PADI2: variants seen among roughly 807,000 people sequenced by gnomAD.
PADI2 encodes the protein protein-arginine deiminase type-2.
In PADI2, 70 loss-of-function variants were observed where a neutral mutation model predicts 81.1. That is an observed-to-expected ratio of 0.86 (90% CI 0.71 to 1.05). PADI2 has a LOEUF of 1.05. Ranked by LOEUF, PADI2 falls within the 50% of genes least tolerant of loss-of-function variation. The pLI is 0.00. For missense variants in PADI2, 853 were observed against 889.9 expected, an observed-to-expected ratio of 0.96 and a Z score of 0.53; for synonymous variants, 338 against 358.0, an observed-to-expected ratio of 0.94 and a Z score of 0.63.
chr1:17,108,559 C>T (rs1206246099), intron 1 of PADI2, among the ~76,000 whole-genome samples: 1 of 152,078 alleles, frequency 6.6e-6, no homozygotes, highest in South Asian at 2.1e-4. Flanking sequence ...TCTTCAGAGC[C>T]TAGCACAGGG....
At chr1:17,111,201 C>T (rs1482101368) in intron 1 of PADI2, among the ~76,000 whole-genome samples, 1 of 150,886 alleles carries the variant, frequency 6.6e-6, no homozygotes, top group African/African-American at 2.4e-5. Context: ...GATTCTCCTG[C>T]CTCAGCCTCC....
In PADI2 at chr1:17,074,878, A is replaced by G. The variant is rs1360655967; in HGVS notation, c.1527T>C (p.His509=). ...KLFREKQKDG[H]GEAIMFKGLG... Reference sequence around the variant, plus strand: ...CACCTTTGAACATGATGGCCTCTCCATGGCCGTCCTTCTGCTTCTCTCGGA... The same window carrying G: ...CACCTTTGAACATGATGGCCTCTCCGTGGCCGTCCTTCTGCTTCTCTCGGA... Residue 509 remains histidine (H), a synonymous_variant, in exon 13 of 16, where the codon CAT becomes CAC. Coordinates refer to ENST00000375486, the MANE Select transcript of PADI2 (RefSeq NM_007365.3). 1.2e-6 allele frequency: 2 copies of G among 1,612,468 alleles called. No homozygotes were observed. The highest frequency in any genetic ancestry group is 1.3e-5 in the African/African-American group (1 of 75,010).
rs1215826839 is a variant in PADI2 at position 17,107,733 on chromosome 1, G to T, written c.93-2672C>A. On this transcript the variant is annotated intron_variant, in intron 1 of 15. Transcript: ENST00000375486. ...CTGACCTGGGCCACAGACTTCAGGG[G>T]CTATGGGCAAAGACTACTGGTCTTG... Among the ~76,000 whole-genome samples, 7 of 152,288 alleles carry T rather than the reference G, an allele frequency of 4.6e-5. No individual in the cohort carries two copies. In the East Asian group the frequency reaches 1.4e-3, roughly 29 times the overall value.
At chr1:17,092,810 A>C (rs1930750327) in intron 5 of PADI2, among the ~76,000 whole-genome samples, 1 of 151,666 alleles carries the variant, frequency 6.6e-6, no homozygotes, top group African/African-American at 2.4e-5. Context: ...TTAGCCACGC[A>C]TGGTGGCATG....
Position 17,068,269 on chromosome 1 carries a change from G to A in PADI2, c.*775C>T, listed in dbSNP as rs976456059. ...GAGAAGATGGATATGGCTGACCAGG[G>A]GCATCTTTACGCATTGAACTCTCAG... On this transcript the variant is annotated 3_prime_UTR_variant, in exon 16 of 16. Transcript: ENST00000375486. The A allele has an allele frequency of 5.2e-5, 8 of 152,698 alleles. No individual in the cohort carries two copies. The highest frequency in any genetic ancestry group is 1.9e-4 in the African/African-American group (8 of 41,438). The allele number at this position is 152,698 out of a possible 1,614,324, so 9.5% of individuals were successfully genotyped here. A position where few individuals can be genotyped will look rare whatever the true frequency, so the allele number is the denominator to read the frequency against.
At chr1:17,101,424 G>T (rs928238831) in intron 3 of PADI2, among the ~76,000 whole-genome samples, 1 of 152,158 alleles carries the variant, frequency 6.6e-6, no homozygotes, top group African/African-American at 2.4e-5. Context: ...GGTGGGATTA[G>T]GTTTCCTCAG....
chr1:17,072,584 T>C (rs1045413177), intron 13 of PADI2, among the ~76,000 whole-genome samples: 2 of 152,160 alleles, frequency 1.3e-5, no homozygotes, highest in Non-Finnish European at 2.9e-5. Context: ...GTGCTTCTAC[T>C]CTCTGCTGAC....
chr1:17,073,851 G>A (rs1204972779), intron 13 of PADI2, among the ~76,000 whole-genome samples: 3 of 152,124 alleles, frequency 2.0e-5, no homozygotes, highest in East Asian at 1.9e-4. Context: ...CCCTCTTTCC[G>A]TGATTAATTC....
intron 13 of PADI2, among the ~76,000 whole-genome samples, chr1:17,072,180 G>A (rs533411468): frequency 2.7e-4 from 41 of 152,338 alleles, no homozygotes; most frequent in Middle Eastern, 3.4e-3. Flanking sequence ...GTGCAGATCA[G>A]GCAGTCTGAT....
Position 17,069,193 on chromosome 1 carries a change from G to T in PADI2, c.1849C>A (p.His617Asn). Residue 617 changes from histidine (H) to asparagine (N), a missense_variant, in exon 16 of 16, where the codon CAC becomes AAC. Physicochemically the swap from His to Asn is moderately conservative, Grantham distance 68 (BLOSUM62 1). Transcript: ENST00000375486. The part of the protein sequence containing the change: ...QVEEECCLEM[H>N]VRGLLEPLGL... ...AGGGGCTCCAGGAGGCCACGCACGT[G>T]CATCTCCAGGCAGCATTCCTCCTCA... is the stretch of plus-strand genomic sequence containing the variant. The T allele has an allele frequency of 6.2e-7, 1 of 1,614,232 alleles. No individual in the cohort carries two copies. Among genetic ancestry groups the T allele is most frequent in the Non-Finnish European group, 8.5e-7 (1 of 1,180,020 alleles).
rs2101584422 is a variant in PADI2 at position 17,083,725 on chromosome 1, C to T, written c.1050+1G>A. ...TCCCAGCCTGGACCTGGGCTCCTTA[C>T]CTGGATCCAGCGATCGCCTCGGTTT... On this transcript the variant is annotated splice_donor_variant, in intron 9 of 15. Coordinates refer to ENST00000375486, the MANE Select transcript of PADI2 (RefSeq NM_007365.3). LOFTEE classifies it high-confidence loss of function. 1 of 1,604,396 alleles carries T rather than the reference C, an allele frequency of 6.2e-7. No individual in the cohort carries two copies. Among genetic ancestry groups the T allele is most frequent in the Non-Finnish European group, 8.5e-7 (1 of 1,171,074 alleles).
At chr1:17,083,476 C>T (rs1329794852) in intron 9 of PADI2, 1 of 466,600 alleles carries the variant, frequency 2.1e-6, no homozygotes, top group Non-Finnish European at 3.8e-6. Context: ...TTGCACAGAA[C>T]TTCCGGGAAG....
At chr1:17,069,365 G>A (rs903576510) in intron 15 of PADI2, 88 bp from the exon 16 acceptor site, 53 of 973,094 alleles carry the variant, frequency 5.4e-5, no homozygotes, top group Non-Finnish European at 7.3e-5. Flanking sequence ...GAACCCTCAC[G>A]GCAACCCTGT....
chr1:17,097,990 G>T (rs934938625), intron 3 of PADI2, among the ~76,000 whole-genome samples: 1 of 152,134 alleles, frequency 6.6e-6, no homozygotes, highest in East Asian at 1.9e-4. Context: ...GCTGCACAGC[G>T]TTTTCCAAGG....
At chr1:17,082,125 CAT>C (rs538197444) in intron 10 of PADI2, among the ~76,000 whole-genome samples, 3 of 151,800 alleles carry the variant, frequency 2.0e-5, no homozygotes, top group Non-Finnish European at 2.9e-5. Flanking sequence ...CAAACACACA[CAT>C]ACACACGCAC....
intron 14 of PADI2, among the ~76,000 whole-genome samples, chr1:17,070,672 T>G (rs1050170583): frequency 1.3e-5 from 2 of 152,214 alleles, no homozygotes; most frequent in African/African-American, 4.8e-5. Flanking sequence ...CCTTTTAATT[T>G]TTTTTTTAAG....
rs529951952 is a variant in PADI2, at chr1:17,068,948, G to A, written c.*96C>T. On this transcript the variant is annotated 3_prime_UTR_variant, in exon 16 of 16. Transcript: ENST00000375486. Reference sequence around the variant, plus strand: ...CCCCACGTCCCAAAGGTCTCCCAGCGGGGCTGTCCAGTCCATGTCAGCAGA... The same window carrying A: ...CCCCACGTCCCAAAGGTCTCCCAGCAGGGCTGTCCAGTCCATGTCAGCAGA... 2.5e-5 allele frequency: 24 copies of A among 951,478 alleles called. No individual in the cohort carries two copies. Among genetic ancestry groups the A allele is most frequent in the African/African-American group, 1.8e-4 (11 of 61,974 alleles). The allele number at this position is 951,478 out of a possible 1,614,324, so 58.9% of individuals were successfully genotyped here.
At chr1:17,095,461 C>A (rs2076612) in intron 4 of PADI2, among the ~76,000 whole-genome samples, 93,864 of 151,892 alleles carry the variant, frequency 0.62, 29,335 homozygotes, top group African/African-American at 0.68. Flanking sequence ...TGAATGAATG[C>A]AAGAATAAAT....
At chr1:17,078,349 G>A (rs1165691898) in intron 11 of PADI2, among the ~76,000 whole-genome samples, 1 of 152,094 alleles carries the variant, frequency 6.6e-6, no homozygotes, top group Non-Finnish European at 1.5e-5. Context: ...GACCTCAGGT[G>A]ATCCACCCGC....
Sources: gnomAD v4.1 joint callset for allele counts (sites outside exome capture counted in the v4.1 genomes callset) on GRCh38, gnomAD v4.1.1 for gene constraint, MANE v1.5 for transcripts, NCBI Gene and HGNC (gene_info 2026-07-23, HGNC 2026-07-21) for gene names.